SLC8A1: variants seen among roughly 807,000 people sequenced by gnomAD.
SLC8A1 encodes sodium/calcium exchanger 1.
A neutral mutation model predicts 68.3 loss-of-function variants in SLC8A1; 18 were observed. The ratio of observed to expected loss-of-function variants is 0.26; its 90% CI spans 0.18 to 0.39. The LOEUF (loss-of-function observed/expected upper bound fraction) is 0.39, where lower values mean the gene tolerates loss of function less well. SLC8A1 is among the 10% of genes least tolerant of loss of function. The pLI is 1.00. For missense variants in SLC8A1, 985 were observed against 1,156.7 expected, an observed-to-expected ratio of 0.85 and a Z score of 2.15; for synonymous variants, 475 against 415.5, an observed-to-expected ratio of 1.14 and a Z score of -1.74.
intron 2 of SLC8A1, among the ~76,000 whole-genome samples, chr2:40,369,633 C>T (rs1237143626): frequency 6.6e-6 from 1 of 152,208 alleles, no homozygotes; most frequent in East Asian, 1.9e-4. Flanking sequence ...CCATCTATGT[C>T]TATCAGCCAT....
chr2:40,124,184 C>A (rs921798459), intron 7 of SLC8A1, among the ~76,000 whole-genome samples: 6 of 152,224 alleles, frequency 3.9e-5, no homozygotes, highest in Admixed American at 3.9e-4. Context: ...CAGAAACCTT[C>A]ATTCTCACCT....
At chr2:40,289,157 T>C (rs2068853010) in intron 2 of SLC8A1, among the ~76,000 whole-genome samples, 2 of 152,060 alleles carry the variant, frequency 1.3e-5, no homozygotes, top group Non-Finnish European at 2.9e-5. Flanking sequence ...TTTCCCCCTT[T>C]GGGGAAAGTA....
At chr2:40,171,140 C>G (rs969007799) in intron 4 of SLC8A1, among the ~76,000 whole-genome samples, 3 of 152,192 alleles carry the variant, frequency 2.0e-5, no homozygotes, top group Non-Finnish European at 4.4e-5. Context: ...GTCATCTAAA[C>G]TTGGGCAAGG....
chr2:40,439,873 A>G (rs1051114452), intron 1 of SLC8A1, among the ~76,000 whole-genome samples: 1 of 152,154 alleles, frequency 6.6e-6, no homozygotes, highest in Admixed American at 6.6e-5. Flanking sequence ...GTGACTCTCC[A>G]TCAGTGTTGT....
At chr2:40,132,662 TG>T (rs2039619615) in intron 7 of SLC8A1, among the ~76,000 whole-genome samples, 1 of 152,204 alleles carries the variant, frequency 6.6e-6, no homozygotes, top group African/African-American at 2.4e-5. Context: ...AATAGCTAAC[TG>T]TTTTTCTCAG....
At chr2:40,337,244 G>C (rs1257317288) in intron 2 of SLC8A1, 1 of 284,296 alleles carries the variant, frequency 3.5e-6, no homozygotes, top group East Asian at 7.8e-5. Flanking sequence ...ATGGTATTTT[G>C]ATATTTATAC....
At chr2:40,398,108 G>A (rs1559519722) in intron 2 of SLC8A1, among the ~76,000 whole-genome samples, 2 of 152,206 alleles carry the variant, frequency 1.3e-5, no homozygotes, top group Non-Finnish European at 2.9e-5. Context: ...AGTACCCACA[G>A]TCTTTTAGCT....
At chr2:40,263,805 T>A (rs1187522813) in intron 2 of SLC8A1, among the ~76,000 whole-genome samples, 1 of 152,104 alleles carries the variant, frequency 6.6e-6, no homozygotes, top group Non-Finnish European at 1.5e-5. Flanking sequence ...ACTTCATGTC[T>A]AAAACACAAA....
intron 2 of SLC8A1, among the ~76,000 whole-genome samples, chr2:40,273,884 A>G (rs2066364963): frequency 8.8e-6 from 1 of 113,988 alleles, no homozygotes; most frequent in South Asian, 2.7e-4. Context: ...TTTTTTTTCC[A>G]TTTTAGTTGA....
intron 2 of SLC8A1, among the ~76,000 whole-genome samples, chr2:40,385,562 A>T (rs907318997): frequency 6.6e-6 from 1 of 151,256 alleles, no homozygotes; most frequent in African/African-American, 2.5e-5. Flanking sequence ...AAAAGTTATC[A>T]TATCAACAAG....
rs755818311 is a variant in SLC8A1 at position 40,115,675 on chromosome 2, A to T, written c.2438-46T>A. The T allele has an allele frequency of 2.6e-6, 4 of 1,568,080 alleles. No individual in the cohort carries two copies. The East Asian group carries it at 9.0e-5, about 35-fold the overall frequency. On this transcript the variant is annotated intron_variant, in intron 7 of 7. Coordinates refer to ENST00000406785, the Ensembl canonical transcript of SLC8A1. ...GTCAATGACACTCAATCTTTTAGAGATGTCTTTGGAGTGCTGCAAGCTTCA... is the reference window on the plus strand; with the variant it reads ...GTCAATGACACTCAATCTTTTAGAGTTGTCTTTGGAGTGCTGCAAGCTTCA...
intron 2 of SLC8A1, among the ~76,000 whole-genome samples, chr2:40,290,369 C>T (rs1285989615): frequency 1.3e-5 from 2 of 152,018 alleles, no homozygotes; most frequent in African/African-American, 4.8e-5. Context: ...TCACAAAGTT[C>T]GGAGATAGCA....
intron 1 of SLC8A1, among the ~76,000 whole-genome samples, chr2:40,439,075 G>A (rs4993292): frequency 3.9e-5 from 6 of 151,932 alleles, no homozygotes; most frequent in Non-Finnish European, 8.8e-5. Context: ...ATGAAGCCCC[G>A]TAGTGAATAT....
chr2:40,482,286 G>T (rs1262110489), intron 1 of SLC8A1, among the ~76,000 whole-genome samples: 2 of 151,990 alleles, frequency 1.3e-5, no homozygotes, highest in African/African-American at 4.8e-5. Flanking sequence ...CACATTGCAG[G>T]GTCATTTATA....
intron 2 of SLC8A1, among the ~76,000 whole-genome samples, chr2:40,316,875 A>AGG (rs1185219854): frequency 6.6e-6 from 1 of 151,966 alleles, no homozygotes; most frequent in Admixed American, 6.6e-5. Flanking sequence ...ACCATACCTC[A>AGG]GGGCATTCAT....
intron 2 of SLC8A1, among the ~76,000 whole-genome samples, chr2:40,356,750 C>A (rs1268499764): frequency 1.3e-5 from 2 of 152,158 alleles, no homozygotes; most frequent in Non-Finnish European, 1.5e-5. Context: ...CTACTTAAAT[C>A]GGCCTGCTTT....
chr2:40,109,816 G>A (rs2034454352), exon 8 of SLC8A1: 1 of 152,160 alleles, frequency 6.6e-6, no homozygotes, highest in Admixed American at 6.5e-5. Flanking sequence ...GTGAACCACT[G>A]AGGCAGCTAT....
intron 2 of SLC8A1, among the ~76,000 whole-genome samples, chr2:40,201,451 G>C (rs2054346523): frequency 6.6e-6 from 1 of 151,912 alleles, no homozygotes; most frequent in Non-Finnish European, 1.5e-5. Context: ...GTTTTGAGGA[G>C]AAATGAGAAT....
At chr2:40,177,766 C>T in exon 3 of SLC8A1, 8 of 1,547,148 alleles carry the variant, frequency 5.2e-6, no homozygotes, top group Non-Finnish European at 4.4e-6. Flanking sequence ...CATTCCTCTT[C>T]TTATCCATTT....
Sources: gnomAD v4.1 joint callset for allele counts (sites outside exome capture counted in the v4.1 genomes callset) on GRCh38, gnomAD v4.1.1 for gene constraint, MANE v1.5 for transcripts, NCBI Gene and HGNC (gene_info 2026-07-23, HGNC 2026-07-21) for gene names.